ADGRB3: variants seen among roughly 807,000 people sequenced by gnomAD.
ADGRB3 encodes the protein adhesion G protein-coupled receptor B3, also known as brain-specific angiogenesis inhibitor 3.
Under a neutral mutation model 193.4 loss-of-function variants are expected in ADGRB3, and 37 were observed. The ratio of observed to expected loss-of-function variants is 0.19; its 90% CI spans 0.15 to 0.25. The LOEUF is 0.25. Among genes scored for constraint, ADGRB3 ranks in the 10% least tolerant of loss-of-function variants. The probability of loss-of-function intolerance (pLI) is 1.00; values close to 1 mark genes in which losing one functional copy is unlikely to be tolerated. For missense variants in ADGRB3, 1,637 were observed against 1,852.9 expected (o/e 0.88, Z 2.14); for synonymous variants, 690 against 644.2 (o/e 1.07, Z -1.08).
At chr6:68,896,634 G>C (rs1368683161) in intron 3 of ADGRB3, among the ~76,000 whole-genome samples, 3 of 152,084 alleles carry the variant, frequency 2.0e-5, no homozygotes, top group African/African-American at 4.8e-5. Context: ...GCTGTTTCTT[G>C]CTTGAGAAGC....
At chr6:68,921,076 C>CA (rs903772966) in intron 3 of ADGRB3, among the ~76,000 whole-genome samples, 34 of 151,102 alleles carry the variant, frequency 2.3e-4, no homozygotes, top group African/African-American at 6.5e-4. Flanking sequence ...CCTATCAATC[C>CA]AAAAAAAATT....
chr6:68,646,475 CAA>C (rs368034374), intron 3 of ADGRB3, among the ~76,000 whole-genome samples: 5 of 107,596 alleles, frequency 4.6e-5, no homozygotes, highest in Admixed American at 8.9e-5. Context: ...GAAACTCTGT[CAA>C]AAAAAAAAAA....
intron 17 of ADGRB3, among the ~76,000 whole-genome samples, chr6:69,179,455 T>C (rs1449598528): frequency 6.6e-6 from 1 of 152,208 alleles, no homozygotes; most frequent in East Asian, 1.9e-4. Context: ...CTTACAATCC[T>C]TGCTTTGAAA....
At position 69,007,712 on chromosome 6, in the gene ADGRB3, C is replaced by T. The variant is rs1240486791; in HGVS notation, c.1930-6326C>T. Among the ~76,000 whole-genome samples the T allele has an allele frequency of 2.6e-5, 4 of 151,966 alleles. No individual in the cohort carries two copies. In the East Asian group the frequency reaches 7.7e-4, roughly 29 times the overall value. ...TCTCTCTCACACACACACACACACA[C>T]ACACACACACACACACCCTGCTGAC... is the stretch of plus-strand genomic sequence containing the variant. On this transcript the variant is annotated intron_variant, in intron 11 of 31. Transcript: ENST00000370598.
rs1204853183 is a variant in ADGRB3, at chr6:68,728,202, A to G, written c.757+88770A>G. Among the ~76,000 whole-genome samples, 9 of 151,610 alleles carry G rather than the reference A, an allele frequency of 5.9e-5. 1 individual carries two copies. In the East Asian group the frequency reaches 1.2e-3, roughly 20 times the overall value. Reference sequence around the variant, plus strand: ...CAGAGTACACTAAAGGGACATTTTAAAGTGCATTTGATTTCTTTTGCAGCT... The same window carrying G: ...CAGAGTACACTAAAGGGACATTTTAGAGTGCATTTGATTTCTTTTGCAGCT... On this transcript the variant is annotated intron_variant, in intron 3 of 31. Coordinates refer to ENST00000370598, the MANE Select transcript of ADGRB3 (RefSeq NM_001704.3).
chr6:68,673,517 C>G (rs1328328430), intron 3 of ADGRB3, among the ~76,000 whole-genome samples: 1 of 151,996 alleles, frequency 6.6e-6, no homozygotes, highest in Non-Finnish European at 1.5e-5. Flanking sequence ...TTTGACTATC[C>G]TTGTATTAGC....
At chr6:68,980,692 G>T (rs1317339267) in intron 10 of ADGRB3, among the ~76,000 whole-genome samples, 4 of 151,540 alleles carry the variant, frequency 2.6e-5, no homozygotes, top group Non-Finnish European at 5.9e-5. Context: ...AAATGCCGAG[G>T]TTCAGCTGGT....
At chr6:69,100,838 G>GCAGGGAGTGAGGGAGGGAGGA (rs1773013847) in intron 17 of ADGRB3, among the ~76,000 whole-genome samples, 1 of 86,648 alleles carries the variant, frequency 1.2e-5, no homozygotes, top group African/African-American at 4.2e-5. Flanking sequence ...AGGAAGGAAG[G>GCAGGGAGTGAGGGAGGGAGGA]AAGGAGGGAG....
At chr6:69,081,698 G>A (rs898733268) in intron 17 of ADGRB3, among the ~76,000 whole-genome samples, 1 of 151,846 alleles carries the variant, frequency 6.6e-6, no homozygotes, top group Non-Finnish European at 1.5e-5. Flanking sequence ...AATTATCTTA[G>A]AATGTTTTAA....
chr6:69,005,080 G>A (rs906137648), intron 11 of ADGRB3, among the ~76,000 whole-genome samples: 11 of 152,072 alleles, frequency 7.2e-5, no homozygotes, highest in African/African-American at 2.4e-4. Context: ...ACATGATGAT[G>A]ATTTTGTCAC....
intron 15 of ADGRB3, among the ~76,000 whole-genome samples, chr6:69,059,752 C>T (rs946771550): frequency 2.2e-4 from 34 of 152,170 alleles, no homozygotes; most frequent in Non-Finnish European, 4.1e-4. Flanking sequence ...ACACTATACA[C>T]TTTTTGAAAA....
At chr6:69,024,100 AT>A (rs1488064405) in intron 13 of ADGRB3, among the ~76,000 whole-genome samples, 3 of 152,154 alleles carry the variant, frequency 2.0e-5, no homozygotes, top group African/African-American at 7.2e-5. Context: ...GTTTTTTTCA[AT>A]TATCAATACA....
At position 69,203,883 on chromosome 6, in the gene ADGRB3, G is replaced by C. The variant is rs1325034027; in HGVS notation, c.2481-29407G>C. Among the ~76,000 whole-genome samples the C allele has an allele frequency of 2.0e-5, 3 of 152,080 alleles. No homozygotes were observed. The East Asian group carries it at 5.8e-4, about 29-fold the overall frequency. On this transcript the variant is annotated intron_variant, in intron 17 of 31. Coordinates refer to ENST00000370598, the MANE Select transcript of ADGRB3 (RefSeq NM_001704.3). ...TTCTGCTCTTATGTACAGAAGCCAA[G>C]AGGTCTGCTGCTAGATTTGTATATA...
chr6:68,988,985 G>A (rs1769155183), intron 10 of ADGRB3, among the ~76,000 whole-genome samples: 1 of 152,068 alleles, frequency 6.6e-6, no homozygotes, highest in Admixed American at 6.6e-5. Context: ...AATTGATTCA[G>A]GACCAGTGAA....
chr6:69,135,186 G>A (rs759632950), intron 17 of ADGRB3, among the ~76,000 whole-genome samples: 1 of 151,894 alleles, frequency 6.6e-6, no homozygotes, highest in Non-Finnish European at 1.5e-5. Context: ...AGCTGATTAT[G>A]CTAAGTAGTG....
At chr6:68,734,728 C>T (rs1765839901) in intron 3 of ADGRB3, among the ~76,000 whole-genome samples, 1 of 151,864 alleles carries the variant, frequency 6.6e-6, no homozygotes, top group East Asian at 1.9e-4. Context: ...TTAGAAACAA[C>T]AAAGAAAAAT....
At chr6:69,355,892 G>C in intron 28 of ADGRB3, 32 bp downstream of exon 28, 1 of 1,510,046 alleles carries the variant, frequency 6.6e-7, no homozygotes, top group Non-Finnish European at 9.2e-7. Context: ...AATCTAATCA[G>C]TAGGGATGTT....
rs189913499 is a variant in ADGRB3 at position 68,703,459 on chromosome 6, A to G, written c.757+64027A>G. ...AATTTAACTATATATATGTTTCTAT[A>G]ATTTATACAATAATTCTACTCCAGA... is the stretch of plus-strand genomic sequence containing the variant. On this transcript the variant is annotated intron_variant, in intron 3 of 31. Coordinates refer to ENST00000370598, the MANE Select transcript of ADGRB3 (RefSeq NM_001704.3). Among the ~76,000 whole-genome samples, 21 of 152,214 alleles carry G rather than the reference A, an allele frequency of 1.4e-4. No homozygotes were observed. In the East Asian group the frequency reaches 4.1e-3, roughly 29 times the overall value.
Position 69,120,349 on chromosome 6 carries a change from C to T in ADGRB3, c.2480+44311C>T, listed in dbSNP as rs190757362. On this transcript the variant is annotated intron_variant, in intron 17 of 31. Coordinates refer to ENST00000370598, the MANE Select transcript of ADGRB3 (RefSeq NM_001704.3). ...AATAAGGAGCTCTGGCCATGGGGCC[C>T]AGAAATCTGTGCTTTAACCAGCCTT... is the stretch of plus-strand genomic sequence containing the variant. Among the ~76,000 whole-genome samples the T allele has an allele frequency of 1.6e-3, 246 of 152,318 alleles. 1 individual carries two copies. The highest frequency in any genetic ancestry group is 2.6e-3 in the Non-Finnish European group (177 of 68,024).
Sources: allele counts gnomAD v4.1 joint callset (sites outside exome capture counted in the v4.1 genomes callset), GRCh38; gene constraint gnomAD v4.1.1; transcripts MANE v1.5; gene names NCBI Gene and HGNC (gene_info 2026-07-23, HGNC 2026-07-21).